The following ATG5 variants were observed in gnomAD, a reference collection of about 807,000 sequenced individuals.
The protein encoded by ATG5 is autophagy protein 5.
Under a neutral mutation model 36.5 loss-of-function variants are expected in ATG5, and 14 were observed. The observed-to-expected ratio is 0.38, with a 90% confidence interval of 0.25 to 0.60. The LOEUF (loss-of-function observed/expected upper bound fraction) is 0.60, where lower values mean the gene tolerates loss of function less well. Among genes scored for constraint, ATG5 ranks in the 20% least tolerant of loss-of-function variants. The pLI, the probability that ATG5 is intolerant of heterozygous loss-of-function variation, is 0.60. For missense variants in ATG5, 195 were observed against 326.7 expected (o/e 0.60, Z 3.11); for synonymous variants, 95 against 101.5 (o/e 0.94, Z 0.38).
intron 6 of ATG5, among the ~76,000 whole-genome samples, chr6:106,225,854 T>C (rs1363950030): frequency 6.6e-6 from 1 of 152,154 alleles, no homozygotes; most frequent in African/African-American, 2.4e-5. Flanking sequence ...TGCCATGAGA[T>C]AGCAATAACA....
At chr6:106,253,870 G>A (rs1366307643) in intron 5 of ATG5, among the ~76,000 whole-genome samples, 1 of 152,062 alleles carries the variant, frequency 6.6e-6, no homozygotes, top group Admixed American at 6.6e-5. Flanking sequence ...TGCATCTGGG[G>A]CAGACTGCTC....
intron 4 of ATG5, among the ~76,000 whole-genome samples, chr6:106,280,317 C>T (rs1779831309): frequency 6.6e-6 from 1 of 150,678 alleles, no homozygotes; most frequent in South Asian, 2.1e-4. Context: ...GTATTATGTC[C>T]ATATGTCCAT....
intron 5 of ATG5, among the ~76,000 whole-genome samples, chr6:106,278,901 G>A (rs1445563960): frequency 6.6e-6 from 1 of 152,158 alleles, no homozygotes; most frequent in Admixed American, 6.5e-5. Context: ...GTTATGTAAT[G>A]ATTCCTGGAC....
chr6:106,316,302 G>T (rs1047185301), intron 1 of ATG5, 36 bp from the exon 2 acceptor site: 2 of 788,410 alleles, frequency 2.5e-6, no homozygotes, highest in South Asian at 2.4e-5. Context: ...TCAGATCCTT[G>T]CAACGATGAA....
At chr6:106,227,359 G>A (rs560712386) in intron 6 of ATG5, among the ~76,000 whole-genome samples, 5 of 152,308 alleles carry the variant, frequency 3.3e-5, no homozygotes, top group African/African-American at 1.2e-4. Flanking sequence ...ATTTTGGGTG[G>A]CCAAGGTGGG....
intron 4 of ATG5, among the ~76,000 whole-genome samples, chr6:106,288,894 A>G (rs1177844418): frequency 2.6e-5 from 4 of 152,184 alleles, no homozygotes; most frequent in Admixed American, 6.5e-5. Context: ...ACTGTTTAAC[A>G]GTGTTTTTTT....
intron 3 of ATG5, among the ~76,000 whole-genome samples, chr6:106,296,427 A>C (rs1300581796): frequency 6.6e-6 from 1 of 152,242 alleles, no homozygotes; most frequent in Non-Finnish European, 1.5e-5. Flanking sequence ...ATTTGAAAAA[A>C]TAACATGATG....
chr6:106,287,647 A>G (rs1239132308), intron 4 of ATG5, among the ~76,000 whole-genome samples: 4 of 152,300 alleles, frequency 2.6e-5, no homozygotes, highest in Non-Finnish European at 5.9e-5. Context: ...TACTCTATTA[A>G]ACTTTATTTA....
At chr6:106,256,990 T>TA (rs1778826890) in intron 5 of ATG5, among the ~76,000 whole-genome samples, 1 of 152,216 alleles carries the variant, frequency 6.6e-6, no homozygotes, top group Non-Finnish European at 1.5e-5. Flanking sequence ...TACAGCCGCA[T>TA]AAAAACATTT....
intron 6 of ATG5, among the ~76,000 whole-genome samples, chr6:106,244,521 G>T (rs1045515146): frequency 3.3e-5 from 5 of 152,114 alleles, no homozygotes; most frequent in Non-Finnish European, 7.3e-5. Context: ...TCACCTATCT[G>T]TCAAATCTCT....
Position 106,316,231 on chromosome 6 carries a change from C to T in ATG5, c.-23G>A. On this transcript the variant is annotated 5_prime_UTR_variant, in exon 2 of 8. The change abolishes an upstream ATG in the 5' untranslated region. Transcript: ENST00000369076. ...CATTCTTCCAGGAGTTAAAGCAGTA[C>T]ATACAGGCTAAATTCTTATTTCAAC... 1.3e-6 allele frequency: 2 copies of T among 1,584,702 alleles called. No individual in the cohort carries two copies. The highest frequency in any genetic ancestry group is 1.7e-6 in the Non-Finnish European group (2 of 1,154,606).
chr6:106,256,208 A>C (rs1053506001), intron 5 of ATG5, among the ~76,000 whole-genome samples: 23 of 152,230 alleles, frequency 1.5e-4, no homozygotes, highest in African/African-American at 5.5e-4. Flanking sequence ...TTCTGGAGAG[A>C]AAGTGTAAAG....
chr6:106,189,008 T>A (rs1418672312), intron 7 of ATG5, among the ~76,000 whole-genome samples: 2 of 152,224 alleles, frequency 1.3e-5, no homozygotes, highest in Admixed American at 6.5e-5. Flanking sequence ...CTCTTATTTG[T>A]TACTCTGTCC....
chr6:106,208,625 C>T (rs1208670505), intron 6 of ATG5, among the ~76,000 whole-genome samples: 1 of 151,740 alleles, frequency 6.6e-6, no homozygotes, highest in Non-Finnish European at 1.5e-5. Flanking sequence ...ACACTAAAGG[C>T]ATGACCCATA....
intron 3 of ATG5, among the ~76,000 whole-genome samples, chr6:106,297,443 T>C (rs544166184): frequency 2.6e-5 from 4 of 152,144 alleles, no homozygotes; most frequent in Admixed American, 1.3e-4. Context: ...AAAGGGTTTA[T>C]AGATTTCTTC....
At chr6:106,258,474 G>A (rs1028897618) in intron 5 of ATG5, among the ~76,000 whole-genome samples, 3 of 152,096 alleles carry the variant, frequency 2.0e-5, no homozygotes, top group African/African-American at 7.2e-5. Context: ...GACCAGTGAT[G>A]ACTTTTATCA....
At chr6:106,186,742 C>T (rs1383285307) in intron 7 of ATG5, 66 bp from the exon 8 acceptor site, 1 of 1,555,882 alleles carries the variant, frequency 6.4e-7, no homozygotes, top group Non-Finnish European at 8.8e-7. Context: ...TAATCTGGTG[C>T]CTTTTGAGAA....
At chr6:106,321,731 A>G (rs1771082966) in intron 1 of ATG5, among the ~76,000 whole-genome samples, 1 of 152,098 alleles carries the variant, frequency 6.6e-6, no homozygotes, top group Non-Finnish European at 1.5e-5. Flanking sequence ...CCTCTAGTCT[A>G]ATTACTTCTT....
At chr6:106,253,012 G>A (rs1778659160) in intron 5 of ATG5, among the ~76,000 whole-genome samples, 1 of 152,200 alleles carries the variant, frequency 6.6e-6, no homozygotes, top group African/African-American at 2.4e-5. Context: ...AAGTGATCAT[G>A]TAATAATTGT....
Sources: allele counts gnomAD v4.1 joint callset (sites outside exome capture counted in the v4.1 genomes callset), GRCh38; gene constraint gnomAD v4.1.1; transcripts MANE v1.5; gene names NCBI Gene and HGNC (gene_info 2026-07-23, HGNC 2026-07-21).